The following CEP97 variants were observed in gnomAD, a reference collection of about 807,000 sequenced individuals.
CEP97 encodes the protein centrosomal protein 97.
CEP97 carries 43 observed loss-of-function variants against 73.1 expected under a neutral mutation model. That is an observed-to-expected ratio of 0.59 (90% CI 0.46 to 0.76). The LOEUF (loss-of-function observed/expected upper bound fraction) is 0.76. Ranked by LOEUF, CEP97 falls within the 30% of genes least tolerant of loss-of-function variation. CEP97 has a pLI of 0.00. For missense variants in CEP97, 939 were observed against 1,014.0 expected (o/e 0.93, Z 1.00); for synonymous variants, 337 against 370.0 (o/e 0.91, Z 1.02).
intron 6 of CEP97, among the ~76,000 whole-genome samples, chr3:101,738,908 A>G (rs1004614658): frequency 1.3e-5 from 2 of 152,236 alleles, no homozygotes; most frequent in African/African-American, 4.8e-5. Flanking sequence ...GGTTTTTTGA[A>G]AAGATCAACA....
intron 4 of CEP97, among the ~76,000 whole-genome samples, chr3:101,730,787 A>G (rs748481000): frequency 1.3e-5 from 2 of 152,100 alleles, no homozygotes; most frequent in Non-Finnish European, 2.9e-5. Context: ...ATTGGATATT[A>G]TTACCATCAG....
At chr3:101,727,795 T>C (rs1937949945) in intron 3 of CEP97, among the ~76,000 whole-genome samples, 1 of 152,214 alleles carries the variant, frequency 6.6e-6, no homozygotes, top group Non-Finnish European at 1.5e-5. Flanking sequence ...AGGGAGACTA[T>C]ATCATGCTGA....
intron 6 of CEP97, among the ~76,000 whole-genome samples, chr3:101,746,614 A>G (rs1407033263): frequency 6.6e-6 from 1 of 151,628 alleles, no homozygotes; most frequent in Non-Finnish European, 1.5e-5. Context: ...GGACATAGGC[A>G]TGGGCAAGGA....
At chr3:101,741,263 A>C (rs1017686123) in intron 6 of CEP97, among the ~76,000 whole-genome samples, 73 of 152,240 alleles carry the variant, frequency 4.8e-4, no homozygotes, top group Non-Finnish European at 1.3e-4. Flanking sequence ...TACAAAAATT[A>C]ACTCAAGATG....
chr3:101,728,746 A>G, intron 3 of CEP97, 90 bp from the exon 4 acceptor site: 1 of 806,442 alleles, frequency 1.2e-6, no homozygotes, highest in Non-Finnish European at 2.1e-6. Context: ...AAGAGGAGGG[A>G]AGACACTCTT....
chr3:101,726,581 G>A lies in CEP97; in HGVS notation c.44-13G>A, dbSNP rs112981951. 1.7e-4 allele frequency: 271 copies of A among 1,550,244 alleles called. No homozygotes were observed. The African/African-American group carries it at 3.0e-3, about 17-fold the overall frequency. ...TTTATTTGTGTTTTCTAACATTTCC[G>A]TTTCTTTTCAAGGATCAGTGGTCAA... On this transcript the variant is annotated splice_polypyrimidine_tract_variant and intron_variant, in intron 1 of 10. Coordinates refer to ENST00000341893, the MANE Select transcript of CEP97 (RefSeq NM_024548.4).
chr3:101,767,946 G>A lies in CEP97; in HGVS notation c.*2395G>A, dbSNP rs930863282. ...GTAATTTATATAATTAAAATATTTGGTTTTAACTCTATGGGCTATTCTTTG... is the reference window on the plus strand; with the variant it reads ...GTAATTTATATAATTAAAATATTTGATTTTAACTCTATGGGCTATTCTTTG... On this transcript the variant is annotated 3_prime_UTR_variant, in exon 11 of 11. Coordinates refer to ENST00000341893, the MANE Select transcript of CEP97 (RefSeq NM_024548.4). The A allele has an allele frequency of 2.6e-5, 4 of 152,128 alleles. No homozygotes were observed. The highest frequency in any genetic ancestry group is 2.0e-4 in the Admixed American group (3 of 15,268). The allele number at this position is 152,128 out of a possible 1,614,324, so 9.4% of individuals were successfully genotyped here. A position where few individuals can be genotyped will look rare whatever the true frequency, so the allele number is the denominator to read the frequency against.
intron 6 of CEP97, among the ~76,000 whole-genome samples, chr3:101,752,007 G>A (rs553035781): frequency 4.4e-4 from 67 of 152,180 alleles, no homozygotes; most frequent in Non-Finnish European, 8.5e-4. Flanking sequence ...TTACAATTTG[G>A]CATGATTTTG....
intron 4 of CEP97, among the ~76,000 whole-genome samples, chr3:101,729,207 T>C (rs1332217370): frequency 6.6e-6 from 1 of 151,906 alleles, no homozygotes; most frequent in Non-Finnish European, 1.5e-5. Context: ...TAGTGGGGCA[T>C]AGTGGTGCGA....
At chr3:101,754,427 CAG>C (rs1938948097) in intron 6 of CEP97, among the ~76,000 whole-genome samples, 1 of 152,072 alleles carries the variant, frequency 6.6e-6, no homozygotes, top group African/African-American at 2.4e-5. Context: ...ATCTTAGAAA[CAG>C]AATTCAAATA....
At chr3:101,735,627 C>T (rs7639023) in intron 6 of CEP97, among the ~76,000 whole-genome samples, 6,119 of 152,170 alleles carry the variant, frequency 0.04, 442 homozygotes, top group African/African-American at 0.14. Context: ...CTGGGGAAGC[C>T]GTGAGGGACT....
intron 6 of CEP97, among the ~76,000 whole-genome samples, chr3:101,737,093 A>C (rs1938303813): frequency 6.6e-6 from 1 of 152,234 alleles, no homozygotes. Flanking sequence ...AGGATATCAG[A>C]GATTGAAGAT....
chr3:101,754,752 T>C (rs1938956342), intron 6 of CEP97, among the ~76,000 whole-genome samples: 1 of 152,226 alleles, frequency 6.6e-6, no homozygotes, highest in African/African-American at 2.4e-5. Flanking sequence ...TTGGTTGTAG[T>C]TGAAGAAGTC....
At chr3:101,758,654 A>G in intron 9 of CEP97, 1 of 521,404 alleles carries the variant, frequency 1.9e-6, no homozygotes, top group South Asian at 2.7e-5. Flanking sequence ...GATGCAGTGT[A>G]GTAATAAATG....
chr3:101,741,932 C>T (rs1938469248), intron 6 of CEP97, among the ~76,000 whole-genome samples: 1 of 151,898 alleles, frequency 6.6e-6, no homozygotes, highest in Non-Finnish European at 1.5e-5. Flanking sequence ...ATCCCAGCTA[C>T]TCAGGGGGCT....
At chr3:101,755,359 T>C in intron 6 of CEP97, 71 bp from the exon 7 acceptor site, 7 of 1,307,626 alleles carry the variant, frequency 5.4e-6, no homozygotes, top group Non-Finnish European at 7.6e-6. Context: ...ACAAGGAAGA[T>C]CATTGTTGCC....
chr3:101,745,179 G>C (rs1560013908), intron 6 of CEP97, among the ~76,000 whole-genome samples: 1 of 152,202 alleles, frequency 6.6e-6, no homozygotes, highest in Non-Finnish European at 1.5e-5. Context: ...TGCTTAGTTA[G>C]AGATCATATG....
chr3:101,760,700 C>T (rs1376060911), intron 9 of CEP97, among the ~76,000 whole-genome samples: 1 of 151,900 alleles, frequency 6.6e-6, no homozygotes, highest in Non-Finnish European at 1.5e-5. Flanking sequence ...CACCACCATG[C>T]CCAGCTAATT....
At position 101,768,638 on chromosome 3, in the gene CEP97, C is replaced by T. The variant is rs1201236463; in HGVS notation, c.*3087C>T. On this transcript the variant is annotated 3_prime_UTR_variant, in exon 11 of 11. Coordinates refer to ENST00000341893, the MANE Select transcript of CEP97 (RefSeq NM_024548.4). ...ATCACTTGAGGCCAGGAGTTCAAGA[C>T]CAGCCTGGACAACATAGCAAGACCC... 1 of 152,108 alleles carries T rather than the reference C, an allele frequency of 6.6e-6. No homozygotes were observed. The highest frequency in any genetic ancestry group is 1.5e-5 in the Non-Finnish European group (1 of 68,026). The allele number at this position is 152,108 out of a possible 1,614,324, so 9.4% of individuals were successfully genotyped here. A position where few individuals can be genotyped will look rare whatever the true frequency, so the allele number is the denominator to read the frequency against.
Sources: gnomAD v4.1 joint callset for allele counts (sites outside exome capture counted in the v4.1 genomes callset) on GRCh38, gnomAD v4.1.1 for gene constraint, MANE v1.5 for transcripts, NCBI Gene and HGNC (gene_info 2026-07-23, HGNC 2026-07-21) for gene names.